The following CTNNAL1 variants were observed in gnomAD, a reference collection of about 807,000 sequenced individuals.
The protein encoded by CTNNAL1 is alpha-catulin.
CTNNAL1 carries 69 observed loss-of-function variants against 93.6 expected under a neutral mutation model. That is an observed-to-expected ratio of 0.74 (90% CI 0.61 to 0.90). CTNNAL1 has a LOEUF of 0.90. CTNNAL1 is among the 40% of genes least tolerant of loss of function. The probability of loss-of-function intolerance (pLI) is 0.00; values close to 1 mark genes in which losing one functional copy is unlikely to be tolerated. For missense variants in CTNNAL1, 836 were observed against 862.0 expected (o/e 0.97, Z 0.38); for synonymous variants, 286 against 305.4 (o/e 0.94, Z 0.66).
intron 1 of CTNNAL1, among the ~76,000 whole-genome samples, chr9:109,000,378 AT>A (rs1564149621): frequency 6.6e-6 from 1 of 152,220 alleles, no homozygotes; most frequent in Non-Finnish European, 1.5e-5. Context: ...ACACTATCAT[AT>A]CCCAAATAAA....
At chr9:108,961,269 T>A (rs1830815216) in intron 11 of CTNNAL1, among the ~76,000 whole-genome samples, 1 of 152,180 alleles carries the variant, frequency 6.6e-6, no homozygotes, top group Non-Finnish European at 1.5e-5. Flanking sequence ...ATGAGCAGGT[T>A]TGTCACATCA....
At chr9:108,947,715 T>C (rs1262035419) in intron 15 of CTNNAL1, among the ~76,000 whole-genome samples, 1 of 152,208 alleles carries the variant, frequency 6.6e-6, no homozygotes, top group African/African-American at 2.4e-5. Flanking sequence ...TAAATCATCA[T>C]GAATACTGAA....
chr9:108,992,055 A>G (rs1831827553), intron 3 of CTNNAL1: 2 of 768,010 alleles, frequency 2.6e-6, no homozygotes, highest in East Asian at 4.9e-5. Flanking sequence ...CTTAAGTTAT[A>G]TATTGTTAGT....
chr9:108,994,923 G>A (rs377391285), intron 2 of CTNNAL1, among the ~76,000 whole-genome samples: 4 of 152,302 alleles, frequency 2.6e-5, no homozygotes, highest in Non-Finnish European at 5.9e-5. Flanking sequence ...AGCCAGCAAG[G>A]AAGTGAAGCC....
At chr9:108,961,061 T>A (rs1381666910) in intron 11 of CTNNAL1, among the ~76,000 whole-genome samples, 1 of 142,996 alleles carries the variant, frequency 7.0e-6, no homozygotes, top group Non-Finnish European at 1.5e-5. Context: ...CTTAGTTGGA[T>A]GGTTGAATGA....
intron 1 of CTNNAL1, among the ~76,000 whole-genome samples, chr9:109,006,959 C>T (rs1206815734): frequency 2.0e-5 from 3 of 152,182 alleles, no homozygotes; most frequent in Non-Finnish European, 4.4e-5. Flanking sequence ...CAGATCACAC[C>T]TGTAATCCCA....
intron 12 of CTNNAL1, among the ~76,000 whole-genome samples, chr9:108,953,941 T>C (rs899383190): frequency 6.6e-6 from 1 of 152,190 alleles, no homozygotes; most frequent in African/African-American, 2.4e-5. Flanking sequence ...TAGTTGACTA[T>C]AAGGCAACTG....
chr9:108,994,722 GT>G (rs1411512039), intron 2 of CTNNAL1, among the ~76,000 whole-genome samples: 2 of 152,128 alleles, frequency 1.3e-5, no homozygotes, highest in Non-Finnish European at 2.9e-5. Context: ...TGTGCTGTCT[GT>G]CCCCTCCCAC....
chr9:108,984,664 G>C (rs921566324), intron 4 of CTNNAL1, among the ~76,000 whole-genome samples: 1 of 152,116 alleles, frequency 6.6e-6, no homozygotes, highest in African/African-American at 2.4e-5. Context: ...TAGAGAGCCA[G>C]AAACTGAGAC....
intron 1 of CTNNAL1, 29 bp from the exon 2 acceptor site, chr9:108,999,285 A>ATC (rs758253529): frequency 1.9e-6 from 3 of 1,567,304 alleles, no homozygotes; most frequent in Non-Finnish European, 2.6e-6. Flanking sequence ...AGCAACTTTT[A>ATC]TCTCAATACC....
intron 15 of CTNNAL1, among the ~76,000 whole-genome samples, chr9:108,945,942 T>C (rs1214800121): frequency 1.3e-5 from 2 of 152,120 alleles, no homozygotes; most frequent in Non-Finnish European, 2.9e-5. Flanking sequence ...TCCCTCAGTG[T>C]TCCCTGTCTC....
At chr9:108,972,864 G>GGGGGGGGCGGCCCCCCCCC in intron 8 of CTNNAL1, 31 bp from the exon 9 acceptor site, 3 of 142,578 alleles carry the variant, frequency 2.1e-5, no homozygotes, top group Non-Finnish European at 3.0e-5. Context: ...GGGGGGGTGG[G>GGGGGGGGCGGCCCCCCCCC]AGGGTGGAGA....
chr9:108,972,864 G>GGGGGGGCGGCCCCCCC, intron 8 of CTNNAL1, 31 bp from the exon 9 acceptor site: 2 of 142,584 alleles, frequency 1.4e-5, no homozygotes, highest in Non-Finnish European at 2.0e-5. Flanking sequence ...GGGGGGGTGG[G>GGGGGGGCGGCCCCCCC]AGGGTGGAGA....
intron 11 of CTNNAL1, 106 bp downstream of exon 11, chr9:108,965,272 G>T (rs929825937): frequency 4.3e-6 from 4 of 931,296 alleles, no homozygotes; most frequent in Non-Finnish European, 6.0e-6. Context: ...AAATAACCCA[G>T]CTGGGTTACG....
At chr9:108,987,990 T>C (rs542921930) in intron 4 of CTNNAL1, among the ~76,000 whole-genome samples, 1 of 152,202 alleles carries the variant, frequency 6.6e-6, no homozygotes, top group Non-Finnish European at 1.5e-5. Context: ...ACAATTTGAC[T>C]TCCTCTTTTC....
rs574624160 is a variant in CTNNAL1 at position 108,952,041 on chromosome 9, G to T, written c.1835+168C>A. Among the ~76,000 whole-genome samples the T allele has an allele frequency of 2.0e-5, 3 of 152,278 alleles. No homozygotes were observed. The East Asian group carries it at 5.8e-4, about 29-fold the overall frequency. On this transcript the variant is annotated intron_variant, in intron 14 of 18. Transcript: ENST00000325551. ...ATCTAAATCCTAATTAAATACATGT[G>T]TCTTGTTGTTGCATTCACTTACGTA...
chr9:108,991,863 G>A (rs1292169259), intron 3 of CTNNAL1: 4 of 555,214 alleles, frequency 7.2e-6, no homozygotes, highest in East Asian at 3.2e-5. Context: ...AGAAGTGATC[G>A]TACATACCCT....
At chr9:108,995,178 T>C (rs1423409609) in intron 2 of CTNNAL1, among the ~76,000 whole-genome samples, 2 of 152,186 alleles carry the variant, frequency 1.3e-5, no homozygotes, top group Admixed American at 1.3e-4. Context: ...AGAGTTTTCA[T>C]AGCAAAGAAC....
chr9:108,993,274 C>G (rs569937896), intron 2 of CTNNAL1, among the ~76,000 whole-genome samples: 1 of 152,202 alleles, frequency 6.6e-6, no homozygotes, highest in Admixed American at 6.5e-5. Flanking sequence ...GGTTTTCACC[C>G]TTGGGTTTTC....
Sources: gnomAD v4.1 joint callset for allele counts (sites outside exome capture counted in the v4.1 genomes callset) on GRCh38, gnomAD v4.1.1 for gene constraint, MANE v1.5 for transcripts, NCBI Gene and HGNC (gene_info 2026-07-23, HGNC 2026-07-21) for gene names.